VAV2: variants seen among roughly 807,000 people sequenced by gnomAD.
The protein encoded by VAV2 is guanine nucleotide exchange factor VAV2.
In VAV2, 67 loss-of-function variants were observed where a neutral mutation model predicts 132.5. The observed-to-expected ratio is 0.51, with a 90% CI of 0.42 to 0.62. The LOEUF is 0.62. VAV2 is among the 20% of genes least tolerant of loss of function. The pLI, the probability that VAV2 is intolerant of heterozygous loss-of-function variation, is 0.00. For missense variants in VAV2, 938 were observed against 1,153.6 expected, an observed-to-expected ratio of 0.81 and a Z score of 2.71; for synonymous variants, 492 against 443.5, an observed-to-expected ratio of 1.11 and a Z score of -1.37.
rs776035183 is a variant in VAV2, at chr9:133,804,180, T to C, written c.836+1901A>G. Among the ~76,000 whole-genome samples, 1 of 152,154 alleles carries C rather than the reference T, an allele frequency of 6.6e-6. No individual in the cohort carries two copies. Among genetic ancestry groups the C allele is most frequent in the African/African-American group, 2.4e-5 (1 of 41,440 alleles). On this transcript the variant is annotated intron_variant, in intron 9 of 29. Coordinates refer to ENST00000371850, the MANE Select transcript of VAV2 (RefSeq NM_001134398.2). This position sits in a 1 kb window ranked among gnomAD's most constrained non-coding sequence, Gnocchi z 4.5. ...CAGCCAGCAAGCAAGAACCAGGACCTTGGGGCCGAATCCGAAATGAGAGGA... is the reference window on the plus strand; with the variant it reads ...CAGCCAGCAAGCAAGAACCAGGACCCTGGGGCCGAATCCGAAATGAGAGGA...
At chr9:133,988,239 C>A (rs1009624475) in intron 1 of VAV2, among the ~76,000 whole-genome samples, 5 of 150,638 alleles carry the variant, frequency 3.3e-5, no homozygotes, top group African/African-American at 4.8e-5. Context: ...ACCCCCCACC[C>A]CTGCCACCCC....
Position 133,863,931 on chromosome 9 carries a change from C to A in VAV2, c.322-2499G>T, listed in dbSNP as rs1183932543. ...GGTTAGGAGCAGAAGTACCTCCCTG[C>A]AGGAGGAGGGATGCCCTACAGTAGC... On this transcript the variant is annotated intron_variant, in intron 2 of 29. Coordinates refer to ENST00000371850, the MANE Select transcript of VAV2 (RefSeq NM_001134398.2). This position sits in a 1 kb window ranked among gnomAD's most constrained non-coding sequence, Gnocchi z 5.0. 6.6e-6 allele frequency among the ~76,000 whole-genome samples: 1 copy of A among 152,116 alleles called. No individual in the cohort carries two copies.
At chr9:133,789,177 G>A in intron 14 of VAV2, 81 bp downstream of exon 14, 4 of 1,482,818 alleles carry the variant, frequency 2.7e-6, no homozygotes, top group Non-Finnish European at 3.7e-6. Flanking sequence ...GGCTTCCAGA[G>A]CCACTTAGGA....
intron 1 of VAV2, among the ~76,000 whole-genome samples, chr9:133,982,703 A>G (rs2132296245): frequency 6.6e-6 from 1 of 152,220 alleles, no homozygotes; most frequent in East Asian, 1.9e-4. Context: ...GCCTGGTTTC[A>G]TAGGGCCCGC....
Position 133,969,020 on chromosome 9 carries a change from C to A in VAV2, c.204+23055G>T, listed in dbSNP as rs902553459. Among the ~76,000 whole-genome samples, 3 of 152,164 alleles carry A rather than the reference C, an allele frequency of 2.0e-5. No homozygotes were observed. Among genetic ancestry groups the A allele is most frequent in the African/African-American group, 7.2e-5 (3 of 41,438 alleles). ...AAACCACTCTTTCCACAGGCAAAAACCACTTAAAAATAAGAGACAACTGTT... is the reference window on the plus strand; with the variant it reads ...AAACCACTCTTTCCACAGGCAAAAAACACTTAAAAATAAGAGACAACTGTT... On this transcript the variant is annotated intron_variant, in intron 1 of 29. Transcript: ENST00000371850. This position sits in a 1 kb window ranked among gnomAD's most constrained non-coding sequence, Gnocchi z 5.1.
intron 1 of VAV2, among the ~76,000 whole-genome samples, chr9:133,971,297 G>A (rs527798730): frequency 5.3e-5 from 8 of 152,264 alleles, no homozygotes; most frequent in East Asian, 1.9e-4. Flanking sequence ...GATCCTGATC[G>A]TCACCATCTG....
At chr9:133,979,342 G>A (rs558906970) in intron 1 of VAV2, among the ~76,000 whole-genome samples, 44 of 152,304 alleles carry the variant, frequency 2.9e-4, no homozygotes, top group Middle Eastern at 3.4e-3. Context: ...ATCTGAACGC[G>A]GCTGTCAGAG....
intron 2 of VAV2, among the ~76,000 whole-genome samples, chr9:133,866,754 C>T (rs1480195042): frequency 1.4e-5 from 2 of 147,292 alleles, no homozygotes; most frequent in Non-Finnish European, 3.0e-5. Flanking sequence ...TCCAGTGGGC[C>T]GAGATTGCAC....
chr9:133,934,798 G>A (rs1175086721), intron 2 of VAV2, among the ~76,000 whole-genome samples: 14 of 152,230 alleles, frequency 9.2e-5, no homozygotes, highest in African/African-American at 2.9e-4. Context: ...CTCCACAGTC[G>A]CGAGAGCCGA....
chr9:133,785,653 C>T (rs181935302), intron 17 of VAV2, 123 bp downstream of exon 17: 280 of 789,982 alleles, frequency 3.5e-4, no homozygotes, highest in Non-Finnish European at 5.4e-4. Flanking sequence ...GTGTCCCTGA[C>T]GTTCCAACTT....
At chr9:133,934,315 C>T (rs867108149) in intron 2 of VAV2, among the ~76,000 whole-genome samples, 2 of 152,158 alleles carry the variant, frequency 1.3e-5, no homozygotes, top group South Asian at 2.1e-4. Context: ...ATAGGGGAAA[C>T]GGCATTTCCT....
At chr9:133,832,187 G>A (rs867828314) in intron 4 of VAV2, among the ~76,000 whole-genome samples, 2 of 152,176 alleles carry the variant, frequency 1.3e-5, no homozygotes, top group Non-Finnish European at 2.9e-5. Flanking sequence ...CCTAATCACC[G>A]TGCACCCCTT....
At chr9:133,925,470 G>A (rs917404436) in intron 2 of VAV2, among the ~76,000 whole-genome samples, 6 of 152,164 alleles carry the variant, frequency 3.9e-5, no homozygotes, top group East Asian at 1.9e-4. Flanking sequence ...CACCTGCCTC[G>A]GCTTCCCAAA....
chr9:133,785,621 C>T (rs1421773883), intron 17 of VAV2, among the ~76,000 whole-genome samples, 155 bp downstream of exon 17: 1 of 152,130 alleles, frequency 6.6e-6, no homozygotes, highest in African/African-American at 2.4e-5. Flanking sequence ...GGCTGGCGTC[C>T]CAGGGGTGAT....
rs1223185331 is a variant in VAV2, at chr9:133,992,023, G to C, written c.204+52C>G. ...GACCTCCGCGTTCAGTCCGCGCGTC[G>C]GGCAGCGCGAACGCCGCCTCCCCGG... On this transcript the variant is annotated intron_variant, in intron 1 of 29. Coordinates refer to ENST00000371850, the MANE Select transcript of VAV2 (RefSeq NM_001134398.2). The surrounding 1 kb of genome is among the most constrained non-coding windows in gnomAD (Gnocchi z 5.5). The C allele has an allele frequency of 9.2e-6, 13 of 1,418,356 alleles. No homozygotes were observed. The highest frequency in any genetic ancestry group is 3.2e-5 in the East Asian group (1 of 31,738). The allele number at this position is 1,418,356 out of a possible 1,614,324, so 87.9% of individuals were successfully genotyped here.
intron 3 of VAV2, among the ~76,000 whole-genome samples, chr9:133,855,942 G>A (rs73555909): frequency 0.027 from 4,125 of 152,292 alleles, 177 homozygotes; most frequent in African/African-American, 0.093. Flanking sequence ...CGCAAAATAT[G>A]GCCTAGCCAC....
chr9:133,870,899 C>T (rs1195095413), intron 2 of VAV2, among the ~76,000 whole-genome samples: 3 of 60,612 alleles, frequency 4.9e-5, no homozygotes, highest in Admixed American at 2.1e-4. Context: ...TGGGTGAGTG[C>T]GTGGGTGGGT....
chr9:133,845,532 C>T (rs1266017912), intron 3 of VAV2, among the ~76,000 whole-genome samples: 1 of 152,144 alleles, frequency 6.6e-6, no homozygotes, highest in African/African-American at 2.4e-5. Flanking sequence ...CAGCTGAAGG[C>T]CCTCTTCCCC....
At chr9:133,783,061 G>A (rs1397000752) in intron 19 of VAV2, among the ~76,000 whole-genome samples, 3 of 152,224 alleles carry the variant, frequency 2.0e-5, no homozygotes, top group Non-Finnish European at 4.4e-5. Flanking sequence ...GTGCATGTGT[G>A]TGTGTGTCTG....
Sources: gnomAD v4.1 joint callset for allele counts (sites outside exome capture counted in the v4.1 genomes callset) on GRCh38, gnomAD v4.1.1 for gene constraint, Gnocchi (gnomAD v3.1) non-coding constraint, MANE v1.5 for transcripts, NCBI Gene and HGNC (gene_info 2026-07-23, HGNC 2026-07-21) for gene names.